GSDMA: variants seen among roughly 807,000 people sequenced by gnomAD.
The protein encoded by GSDMA is gasdermin-A.
In GSDMA, 55 loss-of-function variants were observed where a neutral mutation model predicts 54.3. The ratio of observed to expected loss-of-function variants is 1.01; its 90% CI spans 0.82 to 1.27. GSDMA has a LOEUF of 1.27. Ranked by LOEUF, GSDMA falls within the 50% of genes most tolerant of loss-of-function variation. The probability of loss-of-function intolerance (pLI) is 0.00; values close to 1 mark genes in which losing one functional copy is unlikely to be tolerated. For synonymous variants in GSDMA, 211 were observed against 224.7 expected (o/e 0.94, Z 0.54); for missense variants, 542 against 542.6 (o/e 1.00, Z 0.01).
At chr17:39,965,176 GGGAAGGAA>G (rs1245114836) in intron 1 of GSDMA, among the ~76,000 whole-genome samples, 1 of 145,390 alleles carries the variant, frequency 6.9e-6, no homozygotes, top group African/African-American at 2.6e-5. Context: ...AAGGAAGGAA[GGGAAGGAA>G]GGAAGGAAGG....
chr17:39,976,946 TG>T lies in GSDMA; in HGVS notation c.1228del (p.Glu410LysfsTer45). 13 of 1,613,982 alleles carry T rather than the reference TG, an allele frequency of 8.1e-6. No homozygotes were observed. The highest frequency in any genetic ancestry group is 1.1e-5 in the Non-Finnish European group (13 of 1,179,892). The stretch of plus-strand genomic sequence containing the variant: ...GAGGCTCTAGTCGGGCTGAGTGGCC[TG>T]GAAGTGCAGAGATCGGGCCCCCAAT... Reference protein sequence around the residue: ...LTEALVGLSGLEVQRSGPQYM... With the variant: ...LTEALVGLSGXEVQRSGPQYM... On this transcript the variant is annotated frameshift_variant, in exon 12 of 12. Coordinates refer to ENST00000301659, the MANE Select transcript of GSDMA (RefSeq NM_178171.5). LOFTEE classifies it high-confidence loss of function.
chr17:39,977,027 C>A lies in GSDMA; in HGVS notation c.1307C>A (p.Ser436Tyr), dbSNP rs766355659. The A allele has an allele frequency of 6.2e-7, 1 of 1,613,958 alleles. No individual in the cohort carries two copies. The highest frequency in any genetic ancestry group is 2.2e-5 in the East Asian group (1 of 44,872). ...PRLCALYAGL[S>Y]LLQQLTKAS is the part of the protein sequence containing the mutation. ...CTCTGTGCTCTTTATGCAGGCCTCT[C>A]TCTCCTTCAGCAGCTTACCAAGGCC... Residue 436 changes from serine to tyrosine, a missense_variant, in exon 12 of 12, where the codon TCT (serine) becomes TAT (tyrosine). Physicochemically the swap from Ser to Tyr is moderately radical, Grantham distance 144. Coordinates refer to ENST00000301659, the MANE Select transcript of GSDMA (RefSeq NM_178171.5).
intron 1 of GSDMA, among the ~76,000 whole-genome samples, chr17:39,964,429 C>T (rs981110689): frequency 7.9e-5 from 12 of 152,084 alleles, no homozygotes; most frequent in East Asian, 7.7e-4. Flanking sequence ...ATTAGCCAGG[C>T]GTGGTGGCAC....
At chr17:39,972,025 G>A in intron 5 of GSDMA, 104 bp from the exon 6 acceptor site, 1 of 698,600 alleles carries the variant, frequency 1.4e-6, no homozygotes, top group Non-Finnish European at 2.5e-6. Context: ...CATTTGGGGT[G>A]CAAGGTCCTA....
chr17:39,976,148 AT>A (rs1284515516), intron 11 of GSDMA, among the ~76,000 whole-genome samples, 151 bp downstream of exon 11: 1 of 151,908 alleles, frequency 6.6e-6, no homozygotes, highest in Non-Finnish European at 1.5e-5. Flanking sequence ...TCTATTTCTC[AT>A]TTTTTGTTAT....
Position 39,975,910 on chromosome 17 carries a change from CT to C in GSDMA, c.1022-7del. ...CACCAGCAACACACATCTTTCTCTG[CT>C]TTTTTTCTCCAGAGCTAAGTGAAGC... On this transcript the variant is annotated splice_polypyrimidine_tract_variant and intron_variant, in intron 10 of 11. Coordinates refer to ENST00000301659, the MANE Select transcript of GSDMA (RefSeq NM_178171.5). The C allele has an allele frequency of 2.5e-6, 4 of 1,581,524 alleles. No individual in the cohort carries two copies. The highest frequency in any genetic ancestry group is 1.8e-5 in the Admixed American group (1 of 55,360).
chr17:39,965,699 T>G lies in GSDMA; in HGVS notation c.12T>G (p.Phe4Leu), dbSNP rs1461360616. The change falls in exon 2 of 12, where the codon TTT (phenylalanine) becomes TTG (leucine). Residue 4 changes from phenylalanine to leucine, a missense_variant. Physicochemically the swap from Phe to Leu is conservative, Grantham distance 22. Coordinates refer to ENST00000301659, the MANE Select transcript of GSDMA (RefSeq NM_178171.5). Reference protein sequence around the residue: MTMFENVTRALARQ... With the variant: MTMLENVTRALARQ... ...CCTCCACAGAGACAATGACCATGTT[T>G]GAAAATGTCACCCGGGCCCTGGCCA... The G allele has an allele frequency of 6.2e-7, 1 of 1,605,856 alleles. No individual in the cohort carries two copies.
At position 39,977,169 on chromosome 17, in the gene GSDMA, C is replaced by A. The variant is rs1219379778; in HGVS notation, c.*111C>A. On this transcript the variant is annotated 3_prime_UTR_variant, in exon 12 of 12. Coordinates refer to ENST00000301659, the MANE Select transcript of GSDMA (RefSeq NM_178171.5). ...GCCATCAGCTGAAGACATCTGAAAT[C>A]TCAGCTGGTCACCCATGATAACCAA... 2 of 1,320,066 alleles carry A rather than the reference C, an allele frequency of 1.5e-6. No homozygotes were observed. Among genetic ancestry groups the A allele is most frequent in the East Asian group, 2.3e-5 (1 of 43,176 alleles). The allele number at this position is 1,320,066 out of a possible 1,614,324, so 81.8% of individuals were successfully genotyped here. A position where few individuals can be genotyped will look rare whatever the true frequency, so the allele number is the denominator to read the frequency against.
At chr17:39,972,761 A>G in intron 7 of GSDMA, 148 bp downstream of exon 7, 2 of 801,676 alleles carry the variant, frequency 2.5e-6, no homozygotes, top group South Asian at 1.5e-5. Flanking sequence ...AGAAATTCCA[A>G]TAGCTTGGGA....
chr17:39,970,778 A>G (rs1017203044), intron 4 of GSDMA, 131 bp downstream of exon 4: 1 of 711,410 alleles, frequency 1.4e-6, no homozygotes, highest in Non-Finnish European at 1.9e-6. Context: ...GAGGATGCTG[A>G]AAAGGGCCAC....
chr17:39,963,806 A>G (rs1487125519), intron 1 of GSDMA, among the ~76,000 whole-genome samples: 1 of 152,130 alleles, frequency 6.6e-6, no homozygotes, highest in Non-Finnish European at 1.5e-5. Flanking sequence ...GTGAGCCGAG[A>G]TCATGCCATT....
At chr17:39,972,100 T>TTGCCCC in intron 5 of GSDMA, 29 bp from the exon 6 acceptor site, 9 of 835,092 alleles carry the variant, frequency 1.1e-5, no homozygotes, top group Non-Finnish European at 1.8e-5. Flanking sequence ...CTAAGTGTCC[T>TTGCCCC]CCCACCCTCC....
chr17:39,972,785 AG>A (rs61071906), intron 7 of GSDMA, among the ~76,000 whole-genome samples, 172 bp downstream of exon 7: 124,102 of 151,460 alleles, frequency 0.82, 50,880 homozygotes, highest in East Asian at 0.88. Context: ...AGCAGTGGAA[AG>A]GGGGGAGTCT....
intron 10 of GSDMA, 127 bp from the exon 11 acceptor site, chr17:39,975,797 C>T: frequency 1.5e-6 from 1 of 648,396 alleles, no homozygotes; most frequent in Non-Finnish European, 2.6e-6. Context: ...TCAGCTATGG[C>T]TCCCTTAACA....
intron 7 of GSDMA, among the ~76,000 whole-genome samples, chr17:39,973,454 GT>G (rs1422260380): frequency 6.6e-6 from 1 of 151,360 alleles, no homozygotes; most frequent in Non-Finnish European, 1.5e-5. Flanking sequence ...TATAGATGGG[GT>G]TTCACCATGT....
At chr17:39,973,117 A>AC (rs1366392356) in intron 7 of GSDMA, among the ~76,000 whole-genome samples, 2 of 151,394 alleles carry the variant, frequency 1.3e-5, no homozygotes, top group Admixed American at 6.6e-5. Flanking sequence ...GATTACAGGC[A>AC]CCCGCCACCA....
Position 39,970,623 on chromosome 17 carries a change from C to T in GSDMA, c.534C>T (p.Pro178=), listed in dbSNP as rs766930509. ...AGGCAGAGGCCTGCTTCTCCCTCCC[C>T]TTCTTCGCCCCATTGGGGCTACAGG... ...AGKAEACFSL[P]FFAPLGLQGS... is the part of the protein sequence containing the mutation. The change falls in exon 4 of 12, where the codon CCC becomes CCT. Residue 178 remains proline, a synonymous_variant. Coordinates refer to ENST00000301659, the MANE Select transcript of GSDMA (RefSeq NM_178171.5). 7 of 1,563,876 alleles carry T rather than the reference C, an allele frequency of 4.5e-6. No homozygotes were observed. Among genetic ancestry groups the T allele is most frequent in the East Asian group, 4.7e-5 (2 of 42,194 alleles).
Position 39,970,525 on chromosome 17 carries a change from C to T in GSDMA, c.436C>T (p.Gln146Ter). ...CCCATTCCTGAAGGAGATGCAAGATCAAGGGGAGAACCTGTATGTGGTGAT... is the reference window on the plus strand; with the variant it reads ...CCCATTCCTGAAGGAGATGCAAGATTAAGGGGAGAACCTGTATGTGGTGAT... ...DHPFLKEMQD[Q>*]GENLYVVMEV... Residue 146 changes from glutamine (Q) to a stop codon, truncating the protein, a stop_gained, in exon 4 of 12, where the codon CAA becomes TAA. Coordinates refer to ENST00000301659, the MANE Select transcript of GSDMA (RefSeq NM_178171.5). LOFTEE classifies it high-confidence loss of function. 1 of 1,598,774 alleles carries T rather than the reference C, an allele frequency of 6.3e-7. No homozygotes were observed. Among genetic ancestry groups the T allele is most frequent in the African/African-American group, 1.3e-5 (1 of 74,080 alleles).
chr17:39,964,830 T>C (rs1490251989), intron 1 of GSDMA, among the ~76,000 whole-genome samples: 1 of 151,262 alleles, frequency 6.6e-6, no homozygotes, highest in Non-Finnish European at 1.5e-5. Context: ...CTTCCATTGC[T>C]AAATAAATGC....
Sources: allele counts gnomAD v4.1 joint callset (sites outside exome capture counted in the v4.1 genomes callset), GRCh38; gene constraint gnomAD v4.1.1; transcripts MANE v1.5; gene names NCBI Gene and HGNC (gene_info 2026-07-23, HGNC 2026-07-21).